The following CAPZA1 variants were observed in gnomAD, a reference collection of about 807,000 sequenced individuals.
CAPZA1 encodes the protein capping actin protein of muscle Z-line subunit alpha 1, also known as F-actin-capping protein subunit alpha-1.
Under a neutral mutation model 40.8 loss-of-function variants are expected in CAPZA1, and 10 were observed. That is an observed-to-expected ratio of 0.25 (90% CI 0.15 to 0.42). The LOEUF (loss-of-function observed/expected upper bound fraction) is 0.42, where lower values mean the gene tolerates loss of function less well. CAPZA1 is among the 10% of genes least tolerant of loss of function. CAPZA1 has a pLI of 1.00. For synonymous variants in CAPZA1, 98 were observed against 115.0 expected (o/e 0.85, Z 0.95); for missense variants, 277 against 353.8 (o/e 0.78, Z 1.74).
In CAPZA1 at chr1:112,619,887, A is replaced by G; in HGVS notation, c.39+4A>G. 1 of 1,609,322 alleles carries G rather than the reference A, an allele frequency of 6.2e-7. No homozygotes were observed. The highest frequency in any genetic ancestry group is 8.5e-7 in the Non-Finnish European group (1 of 1,177,692). On this transcript the variant is annotated splice_donor_region_variant and intron_variant, in intron 1 of 9. Transcript: ENST00000263168. Reference sequence around the variant, plus strand: ...TCGTGTGTCGGATGAGGAGAAGGTAAGGGGTCCGCCTCTCTCTCTTACCTC... The same window carrying G: ...TCGTGTGTCGGATGAGGAGAAGGTAGGGGGTCCGCCTCTCTCTCTTACCTC...
chr1:112,640,940 T>G (rs1671144395), intron 1 of CAPZA1, among the ~76,000 whole-genome samples: 1 of 152,216 alleles, frequency 6.6e-6, no homozygotes, highest in African/African-American at 2.4e-5. Flanking sequence ...CTGTGCTCTC[T>G]GAAACATGTG....
Position 112,651,035 on chromosome 1 carries a change from G to A in CAPZA1, c.155+1566G>A, listed in dbSNP as rs60779173. 4.4e-3 allele frequency among the ~76,000 whole-genome samples: 677 copies of A among 152,258 alleles called. 1 individual carries two copies. The highest frequency in any genetic ancestry group is 0.016 in the African/African-American group (645 of 41,544). On this transcript the variant is annotated intron_variant, in intron 3 of 9. Transcript: ENST00000263168. ...AATTCAGTTTTATTTCTGTATTAAA[G>A]CATTTCAGTCCCTTGGCCATAGTCC...
At chr1:112,641,224 A>AT (rs1671155217) in intron 1 of CAPZA1, among the ~76,000 whole-genome samples, 5 of 150,684 alleles carry the variant, frequency 3.3e-5, no homozygotes, top group Admixed American at 6.6e-5. Flanking sequence ...TCAATAAAAA[A>AT]AAAAATAAAT....
At chr1:112,665,233 G>A (rs538684807) in intron 7 of CAPZA1, among the ~76,000 whole-genome samples, 3 of 142,692 alleles carry the variant, frequency 2.1e-5, no homozygotes, top group South Asian at 2.3e-4. Flanking sequence ...CTGGAATGCA[G>A]TGGCATGATC....
chr1:112,649,349 A>T, intron 2 of CAPZA1, 69 bp from the exon 3 acceptor site: 1 of 1,149,460 alleles, frequency 8.7e-7, no homozygotes. Flanking sequence ...TTAAAAATTC[A>T]ATCTAGAAAT....
At chr1:112,648,141 G>A (rs1485154650) in intron 2 of CAPZA1, among the ~76,000 whole-genome samples, 1 of 151,942 alleles carries the variant, frequency 6.6e-6, no homozygotes, top group Non-Finnish European at 1.5e-5. Flanking sequence ...TGCTAAAATT[G>A]GAAAAAGTAA....
chr1:112,639,659 A>C (rs1402548663), intron 1 of CAPZA1, among the ~76,000 whole-genome samples: 6 of 151,784 alleles, frequency 4.0e-5, no homozygotes, highest in African/African-American at 1.5e-4. Context: ...TTTTCATGTC[A>C]CTCAGTAGCT....
chr1:112,656,070 A>G (rs558441010), intron 5 of CAPZA1, among the ~76,000 whole-genome samples: 7 of 152,350 alleles, frequency 4.6e-5, no homozygotes, highest in African/African-American at 1.4e-4. Context: ...ATGGATTTCT[A>G]TACATATTTA....
chr1:112,622,082 A>G (rs1046179195), intron 1 of CAPZA1, among the ~76,000 whole-genome samples: 1 of 151,886 alleles, frequency 6.6e-6, no homozygotes, highest in Non-Finnish European at 1.5e-5. Flanking sequence ...TTTTAATAGC[A>G]GATCTGTGAC....
intron 5 of CAPZA1, among the ~76,000 whole-genome samples, chr1:112,656,440 ATTTTTT>A (rs56343358): frequency 1.5e-4 from 7 of 45,768 alleles, no homozygotes; most frequent in African/African-American, 2.6e-4. Context: ...ATTATGTTTG[ATTTTTT>A]TTTTTTTTTT....
Position 112,670,327 on chromosome 1 carries a change from C to A in CAPZA1, c.*195C>A. Reference sequence around the variant, plus strand: ...TTTGTGTTCTCTGCCTTGTAATTTTCTGTTACTGCTATATCTACGTGTAAA... The same window carrying A: ...TTTGTGTTCTCTGCCTTGTAATTTTATGTTACTGCTATATCTACGTGTAAA... On this transcript the variant is annotated 3_prime_UTR_variant, in exon 10 of 10. Transcript: ENST00000263168. The A allele has an allele frequency of 2.8e-6, 1 of 357,866 alleles. No homozygotes were observed. The highest frequency in any genetic ancestry group is 5.0e-6 in the Non-Finnish European group (1 of 198,816). 22.2% of individuals were successfully genotyped at this position (357,866 alleles called of 1,614,324 possible).
chr1:112,656,091 G>A (rs575159467), intron 5 of CAPZA1, among the ~76,000 whole-genome samples: 327 of 152,058 alleles, frequency 2.2e-3, no homozygotes, highest in African/African-American at 7.4e-3. Flanking sequence ...TCATTTTTTT[G>A]TTGTGGGAAA....
intron 7 of CAPZA1, among the ~76,000 whole-genome samples, chr1:112,666,476 C>G (rs1194780705): frequency 6.6e-6 from 1 of 152,164 alleles, no homozygotes; most frequent in Non-Finnish European, 1.5e-5. Context: ...CTCCTTTTTG[C>G]TAATTGTTTG....
intron 5 of CAPZA1, among the ~76,000 whole-genome samples, chr1:112,655,937 G>A (rs1202277201): frequency 6.6e-6 from 1 of 151,756 alleles, no homozygotes; most frequent in East Asian, 1.9e-4. Flanking sequence ...ATAAAATTAT[G>A]GCATATTAAG....
chr1:112,635,375 A>G lies in CAPZA1; in HGVS notation c.40-11835A>G, dbSNP rs1670994283. ...ACATGCTGGCAGAGATTTGGCTCCT[A>G]AAGTATACAAAACTGGGGTGGTATA... is the stretch of plus-strand genomic sequence containing the variant. On this transcript the variant is annotated intron_variant, in intron 1 of 9. Coordinates refer to ENST00000263168, the MANE Select transcript of CAPZA1 (RefSeq NM_006135.3). Among the ~76,000 whole-genome samples, 5 of 152,130 alleles carry G rather than the reference A, an allele frequency of 3.3e-5. No individual in the cohort carries two copies. The South Asian group carries it at 1.0e-3, about 31-fold the overall frequency.
chr1:112,634,743 A>G (rs755638181), intron 1 of CAPZA1: 6 of 152,228 alleles, frequency 3.9e-5, no homozygotes, highest in Non-Finnish European at 8.8e-5. Flanking sequence ...GGTGAAAACC[A>G]GAAAACCTGC....
intron 1 of CAPZA1, among the ~76,000 whole-genome samples, chr1:112,626,454 A>T (rs1421528844): frequency 6.6e-6 from 1 of 152,062 alleles, no homozygotes; most frequent in Admixed American, 6.6e-5. Context: ...AAAAATTAAA[A>T]TGGTGGGACA....
chr1:112,648,130 T>C (rs1186465301), intron 2 of CAPZA1, among the ~76,000 whole-genome samples: 2 of 152,126 alleles, frequency 1.3e-5, no homozygotes, highest in East Asian at 1.9e-4. Flanking sequence ...ATAATCTTTA[T>C]TGCTAAAATT....
At chr1:112,636,481 A>G (rs910295898) in intron 1 of CAPZA1, among the ~76,000 whole-genome samples, 3 of 152,214 alleles carry the variant, frequency 2.0e-5, no homozygotes, top group Non-Finnish European at 2.9e-5. Flanking sequence ...TAAATATATG[A>G]AAGAGGAAAT....
Sources: gnomAD v4.1 joint callset for allele counts (sites outside exome capture counted in the v4.1 genomes callset) on GRCh38, gnomAD v4.1.1 for gene constraint, MANE v1.5 for transcripts, NCBI Gene and HGNC (gene_info 2026-07-23, HGNC 2026-07-21) for gene names.